HEMK2: variants seen among roughly 807,000 people sequenced by gnomAD.
HEMK2 encodes the protein methyltransferase HEMK2.
chr21:28,860,642 A>T, the HEMK2 span, among the ~76,000 whole-genome samples: 2 of 151,976 alleles, frequency 1.3e-5, no homozygotes, highest in Non-Finnish European at 2.9e-5. Context: ...GCCCTGAGTG[A>T]CAGTCTTATC....
chr21:28,815,549 A>C, the HEMK2 span, among the ~76,000 whole-genome samples: 8 of 152,152 alleles, frequency 5.3e-5, no homozygotes, highest in African/African-American at 1.9e-4. Context: ...TGTCCAGGTA[A>C]AAACTGACCC....
the HEMK2 span, among the ~76,000 whole-genome samples, chr21:28,680,764 C>T: frequency 7.2e-5 from 11 of 152,096 alleles, no homozygotes; most frequent in South Asian, 1.0e-3. Flanking sequence ...AATCAATAAA[C>T]GTAATCCAGC....
At chr21:28,721,261 A>T in the HEMK2 span, among the ~76,000 whole-genome samples, 2 of 152,026 alleles carry the variant, frequency 1.3e-5, no homozygotes, top group Non-Finnish European at 2.9e-5. Context: ...GACTACAGGC[A>T]TGCACCACCA....
chr21:28,854,517 T>C, the HEMK2 span, among the ~76,000 whole-genome samples: 1 of 145,182 alleles, frequency 6.9e-6, no homozygotes, highest in Non-Finnish European at 1.5e-5. Flanking sequence ...TAGATATACA[T>C]AGAGATAGAG....
chr21:28,575,976 TTTAA>T, the HEMK2 span, among the ~76,000 whole-genome samples: 2 of 152,238 alleles, frequency 1.3e-5, no homozygotes, highest in Non-Finnish European at 2.9e-5. Flanking sequence ...CCACACATTG[TTTAA>T]TTATTCACCA....
chr21:28,884,832 A>G, the HEMK2 span, among the ~76,000 whole-genome samples: 10 of 152,202 alleles, frequency 6.6e-5, no homozygotes, highest in Non-Finnish European at 1.2e-4. Flanking sequence ...TGCAATTTTA[A>G]TATGTAATAC....
chr21:28,792,298 CCTAT>C, the HEMK2 span, among the ~76,000 whole-genome samples: 2 of 152,116 alleles, frequency 1.3e-5, no homozygotes, highest in Admixed American at 1.3e-4. Flanking sequence ...TATGGAGTAG[CCTAT>C]CTTTTATTTC....
At chr21:28,692,625 AAT>A in the HEMK2 span, among the ~76,000 whole-genome samples, 1 of 152,144 alleles carries the variant, frequency 6.6e-6, no homozygotes, top group Non-Finnish European at 1.5e-5. Flanking sequence ...GTAGTGATTG[AAT>A]AGTTTTTAAA....
the HEMK2 span, among the ~76,000 whole-genome samples, chr21:28,870,185 T>C: frequency 6.6e-6 from 1 of 150,678 alleles, no homozygotes; most frequent in Non-Finnish European, 1.5e-5. Context: ...AGTTTTGTTG[T>C]AGACACAGGT....
chr21:28,672,972 AAT>A, the HEMK2 span, among the ~76,000 whole-genome samples: 47 of 150,398 alleles, frequency 3.1e-4, no homozygotes, highest in African/African-American at 1.2e-3. Context: ...AAAGAAAAAA[AAT>A]AAAAAAAGAG....
chr21:28,847,276 C>T, the HEMK2 span, among the ~76,000 whole-genome samples: 1 of 152,200 alleles, frequency 6.6e-6, no homozygotes, highest in Non-Finnish European at 1.5e-5. Flanking sequence ...TGCAACCTCA[C>T]CAGCATCATT....
the HEMK2 span, among the ~76,000 whole-genome samples, chr21:28,811,033 C>T: frequency 6.6e-6 from 1 of 152,186 alleles, no homozygotes; most frequent in Non-Finnish European, 1.5e-5. Context: ...GCAATACACA[C>T]TGAACAGTGT....
the HEMK2 span, among the ~76,000 whole-genome samples, chr21:28,783,890 T>G: frequency 6.6e-6 from 1 of 152,060 alleles, no homozygotes; most frequent in African/African-American, 2.4e-5. Context: ...GTGAGGGGCT[T>G]AGCACCCAGG....
the HEMK2 span, among the ~76,000 whole-genome samples, chr21:28,812,422 T>A: frequency 6.6e-6 from 1 of 152,210 alleles, no homozygotes; most frequent in African/African-American, 2.4e-5. Context: ...TGTCATTGGT[T>A]CTGTTTATGT....
At chr21:28,577,874 AG>A in the HEMK2 span, among the ~76,000 whole-genome samples, 1 of 152,156 alleles carries the variant, frequency 6.6e-6, no homozygotes, top group Non-Finnish European at 1.5e-5. Flanking sequence ...TTCTATTTCT[AG>A]TACCCTTACT....
chr21:28,637,558 C>T, the HEMK2 span, among the ~76,000 whole-genome samples: 1 of 152,132 alleles, frequency 6.6e-6, no homozygotes, highest in South Asian at 2.1e-4. Flanking sequence ...CACACAAATG[C>T]CTCACTTCTC....
chr21:28,640,292 A>G, the HEMK2 span, among the ~76,000 whole-genome samples: 1 of 152,180 alleles, frequency 6.6e-6, no homozygotes, highest in Non-Finnish European at 1.5e-5. Context: ...AGATGGAGAC[A>G]CAATGGAGAG....
the HEMK2 span, among the ~76,000 whole-genome samples, chr21:28,644,841 G>A: frequency 3.3e-5 from 5 of 152,276 alleles, no homozygotes; most frequent in East Asian, 9.7e-4. Context: ...TCTCAGAAAT[G>A]TACAAATACT....
the HEMK2 span, among the ~76,000 whole-genome samples, chr21:28,618,158 T>C: frequency 1.2e-3 from 182 of 152,294 alleles, no homozygotes; most frequent in African/African-American, 4.0e-3. Context: ...AGGATAAGAA[T>C]TTAAAATTAA....
Sources: gnomAD v4.1 joint callset for allele counts (sites outside exome capture counted in the v4.1 genomes callset) on GRCh38, gnomAD v4.1.1 for gene constraint, MANE v1.5 for transcripts, NCBI Gene and HGNC (gene_info 2026-07-23, HGNC 2026-07-21) for gene names.